CNTNAP2: variants seen among roughly 807,000 people sequenced by gnomAD.
CNTNAP2 encodes contactin associated protein 2.
CNTNAP2 carries 98 observed loss-of-function variants against 155.2 expected under a neutral mutation model. That is an observed-to-expected ratio of 0.63 (90% CI 0.54 to 0.75). The LOEUF is 0.75. Ranked by LOEUF, CNTNAP2 falls within the 30% of genes least tolerant of loss-of-function variation. CNTNAP2 has a pLI of 0.00. For missense variants in CNTNAP2, 1,727 were observed against 1,688.1 expected (o/e 1.02, Z -0.40); for synonymous variants, 651 against 631.2 (o/e 1.03, Z -0.47).
intron 11 of CNTNAP2, among the ~76,000 whole-genome samples, chr7:147,543,612 C>A (rs1469887999): frequency 1.3e-5 from 2 of 152,102 alleles, no homozygotes; most frequent in African/African-American, 4.8e-5. Flanking sequence ...TTATCTAATT[C>A]AGAGTTTTTA....
At chr7:148,331,531 G>A (rs1798012265) in intron 21 of CNTNAP2, among the ~76,000 whole-genome samples, 1 of 128,862 alleles carries the variant, frequency 7.8e-6, no homozygotes, top group Non-Finnish European at 1.5e-5. Context: ...TGGAATGGAT[G>A]GACGGATGGA....
At chr7:146,553,534 T>G (rs1798151697) in intron 1 of CNTNAP2, among the ~76,000 whole-genome samples, 1 of 152,136 alleles carries the variant, frequency 6.6e-6, no homozygotes, top group East Asian at 1.9e-4. Context: ...TAGAAGGGAC[T>G]TTATTAGATG....
chr7:148,401,591 AT>A lies in CNTNAP2; in HGVS notation c.3716-7793del, dbSNP rs1799583547. On this transcript the variant is annotated intron_variant, in intron 22 of 23. Coordinates refer to ENST00000361727, the MANE Select transcript of CNTNAP2 (RefSeq NM_014141.6). Reference sequence around the variant, plus strand: ...TCTGAGCATATATTAATAATGAGCTATTTTTTTCTTTTTTCTTTTTTTTTTG... The same window carrying A: ...TCTGAGCATATATTAATAATGAGCTATTTTTTCTTTTTTCTTTTTTTTTTG... 7.4e-5 allele frequency among the ~76,000 whole-genome samples: 11 copies of A among 149,078 alleles called. No individual in the cohort carries two copies. In the South Asian group the frequency reaches 2.4e-3, roughly 32 times the overall value.
chr7:147,012,967 T>A (rs1325279926), intron 3 of CNTNAP2, among the ~76,000 whole-genome samples: 1 of 152,108 alleles, frequency 6.6e-6, no homozygotes, highest in Non-Finnish European at 1.5e-5. Flanking sequence ...ACAACTCTTA[T>A]AGATGATAAA....
chr7:148,028,526 T>C (rs1338665775), intron 15 of CNTNAP2, among the ~76,000 whole-genome samples: 18 of 152,200 alleles, frequency 1.2e-4, no homozygotes, highest in Admixed American at 6.5e-5. Context: ...CAGTGAGCCA[T>C]GATTGTGTCG....
intron 13 of CNTNAP2, among the ~76,000 whole-genome samples, chr7:147,811,056 A>AG (rs1391253631): frequency 5.3e-5 from 8 of 152,178 alleles, no homozygotes; most frequent in African/African-American, 1.9e-4. Flanking sequence ...CTTGTTCTCC[A>AG]GTTTTCAATA....
intron 13 of CNTNAP2, among the ~76,000 whole-genome samples, chr7:147,815,205 G>A (rs1359389306): frequency 6.6e-6 from 1 of 152,166 alleles, no homozygotes; most frequent in African/African-American, 2.4e-5. Flanking sequence ...CACAAGCTTA[G>A]TGACTTAACC....
chr7:148,231,127 AG>A (rs1322447731), intron 20 of CNTNAP2, among the ~76,000 whole-genome samples: 1 of 152,250 alleles, frequency 6.6e-6, no homozygotes, highest in Non-Finnish European at 1.5e-5. Context: ...CTTTTCAGAC[AG>A]TATAACAGCA....
At chr7:147,202,829 G>A (rs1035852408) in intron 8 of CNTNAP2, among the ~76,000 whole-genome samples, 1 of 141,850 alleles carries the variant, frequency 7.0e-6, no homozygotes, top group Non-Finnish European at 1.5e-5. Flanking sequence ...GATAGCATTA[G>A]GAGAAATACC....
intron 8 of CNTNAP2, among the ~76,000 whole-genome samples, chr7:147,139,562 GA>G (rs896238707): frequency 6.6e-6 from 1 of 151,960 alleles, no homozygotes; most frequent in Non-Finnish European, 1.5e-5. Context: ...ACTTGACCAG[GA>G]AATTCAGACT....
intron 18 of CNTNAP2, among the ~76,000 whole-genome samples, chr7:148,174,832 C>A (rs1009544057): frequency 6.6e-6 from 1 of 151,960 alleles, no homozygotes; most frequent in African/African-American, 2.4e-5. Context: ...TGGGGTTTGC[C>A]GCACCTATCA....
At chr7:146,929,947 C>A (rs1201689394) in intron 3 of CNTNAP2, among the ~76,000 whole-genome samples, 2 of 152,080 alleles carry the variant, frequency 1.3e-5, no homozygotes, top group Non-Finnish European at 2.9e-5. Flanking sequence ...TGTGAAAAGA[C>A]CAAATCTACG....
intron 1 of CNTNAP2, among the ~76,000 whole-genome samples, chr7:146,708,489 C>A (rs991830600): frequency 6.7e-6 from 1 of 148,786 alleles, no homozygotes; most frequent in Non-Finnish European, 1.5e-5. Context: ...AGCTATTTAG[C>A]CTGAAATATT....
At chr7:146,163,546 T>TATATCTA (rs1237702263) in intron 1 of CNTNAP2, among the ~76,000 whole-genome samples, 1 of 141,580 alleles carries the variant, frequency 7.1e-6, no homozygotes, top group Non-Finnish European at 1.5e-5. Flanking sequence ...TCTATATCTA[T>TATATCTA]ATATCTATAT....
chr7:146,947,418 A>C (rs772948194), intron 3 of CNTNAP2, among the ~76,000 whole-genome samples: 2,218 of 139,614 alleles, frequency 0.016, 31 homozygotes, highest in African/African-American at 0.043. Flanking sequence ...CTCTATATAT[A>C]TATATATATA....
At position 147,590,534 on chromosome 7, in the gene CNTNAP2, G is replaced by A. The variant is rs562230822; in HGVS notation, c.1897+28277G>A. Among the ~76,000 whole-genome samples the A allele has an allele frequency of 4.6e-5, 7 of 152,254 alleles. No individual in the cohort carries two copies. The East Asian group carries it at 9.6e-4, about 21-fold the overall frequency. On this transcript the variant is annotated intron_variant, in intron 12 of 23. Coordinates refer to ENST00000361727, the MANE Select transcript of CNTNAP2 (RefSeq NM_014141.6). ...TTTCCTGAGGCCTCCCTGGCCATGC[G>A]GAATGGTGAGTCAATTAAGCCTCTT...
intron 13 of CNTNAP2, among the ~76,000 whole-genome samples, chr7:147,657,972 C>CATTACCTTAATGAATTTTCCA (rs1584883346): frequency 6.7e-6 from 1 of 149,150 alleles, no homozygotes; most frequent in South Asian, 2.2e-4. Flanking sequence ...AGATAGCCGA[C>CATTACCTTAATGAATTTTCCA]CTGGCCGGGC....
intron 3 of CNTNAP2, among the ~76,000 whole-genome samples, chr7:146,978,892 G>A (rs1797962008): frequency 6.6e-6 from 1 of 152,082 alleles, no homozygotes; most frequent in South Asian, 2.1e-4. Context: ...TAGTATTAAA[G>A]CAAGAGTGTG....
chr7:146,695,489 A>C (rs1354850225), intron 1 of CNTNAP2, among the ~76,000 whole-genome samples: 1 of 152,120 alleles, frequency 6.6e-6, no homozygotes, highest in African/African-American at 2.4e-5. Flanking sequence ...GCCACAGCTC[A>C]CTGCAGCCTC....
Sources: gnomAD v4.1 joint callset for allele counts (sites outside exome capture counted in the v4.1 genomes callset) on GRCh38, gnomAD v4.1.1 for gene constraint, MANE v1.5 for transcripts, NCBI Gene and HGNC (gene_info 2026-07-23, HGNC 2026-07-21) for gene names.